The following SRRM4 variants were observed in gnomAD, a reference collection of about 807,000 sequenced individuals.
SRRM4 encodes serine/arginine repetitive matrix 4.
In SRRM4, 33 loss-of-function variants were observed where a neutral mutation model predicts 68.9. That is an observed-to-expected ratio of 0.48 (90% confidence interval 0.36 to 0.64). The LOEUF (loss-of-function observed/expected upper bound fraction) is 0.64, where lower values mean the gene tolerates loss of function less well. Ranked by LOEUF, SRRM4 falls within the 30% of genes least tolerant of loss-of-function variation. The pLI is 0.00. For missense variants in SRRM4, 817 were observed against 827.1 expected, an observed-to-expected ratio of 0.99 and a Z score of 0.15; for synonymous variants, 318 against 318.8, an observed-to-expected ratio of 1.00 and a Z score of 0.03.
At chr12:119,078,172 T>C (rs1953927562) in intron 1 of SRRM4, among the ~76,000 whole-genome samples, 1 of 152,194 alleles carries the variant, frequency 6.6e-6, no homozygotes. Flanking sequence ...TTGGGAAAAC[T>C]ATAGCATATA....
rs1199950822 is a variant in SRRM4, at chr12:119,009,361, AGAGGTTC to A, written c.131+27349_131+27355del. 1.7e-3 allele frequency among the ~76,000 whole-genome samples: 265 copies of A among 152,316 alleles called. 2 individuals are homozygous for A. The highest frequency in any genetic ancestry group is 6.2e-3 in the African/African-American group (257 of 41,574). On this transcript the variant is annotated intron_variant, in intron 1 of 12. Transcript: ENST00000267260. ...CACAAGCCGATGGGGAAGAGATGGT[AGAGGTTC>A]ACCTCTGCTCCCTGTCTCAGAGGGC...
intron 1 of SRRM4, among the ~76,000 whole-genome samples, chr12:119,087,175 A>G (rs1592893205): frequency 6.6e-6 from 1 of 152,310 alleles, no homozygotes; most frequent in Non-Finnish European, 1.5e-5. Context: ...AGGATTGATC[A>G]TTGTACCAGC....
At chr12:119,117,071 C>CCATCA in intron 4 of SRRM4, 63 bp downstream of exon 4, 1 of 1,326,390 alleles carries the variant, frequency 7.5e-7, no homozygotes, top group Non-Finnish European at 1.1e-6. Context: ...CAGTTGATGG[C>CCATCA]ACTAAAAGGT....
At chr12:119,108,503 A>G (rs61938019) in intron 2 of SRRM4, among the ~76,000 whole-genome samples, 8,924 of 152,246 alleles carry the variant, frequency 0.059, 331 homozygotes, top group Middle Eastern at 0.12. Flanking sequence ...GTGCTCCTGT[A>G]TTGGGTGCAT....
intron 8 of SRRM4, among the ~76,000 whole-genome samples, chr12:119,139,952 A>G (rs934625347): frequency 2.0e-5 from 3 of 152,196 alleles, no homozygotes; most frequent in African/African-American, 7.2e-5. Flanking sequence ...ATGTTTCCAT[A>G]CAGGCATACA....
chr12:119,125,497 G>T lies in SRRM4; in HGVS notation c.614+18G>T. 1 of 1,607,782 alleles carries T rather than the reference G, an allele frequency of 6.2e-7. No homozygotes were observed. Among genetic ancestry groups the T allele is most frequent in the South Asian group, 1.1e-5 (1 of 90,726 alleles). ...GAGAGCAGGTAACCCCTTGCCCCAG[G>T]ATCCTCTTCTGTCAGCCACAGCCGA... is the stretch of plus-strand genomic sequence containing the variant. On this transcript the variant is annotated intron_variant, in intron 7 of 12. Transcript: ENST00000267260.
Position 118,981,698 on chromosome 12 carries a change from C to A in SRRM4, c.-185C>A, listed in dbSNP as rs1953247940. On this transcript the variant is annotated 5_prime_UTR_variant, in exon 1 of 13. Transcript: ENST00000267260. ...CGAAGAAAGCCCAGCGGACGAGCCTCCTTTCTCTGCTGCCTGCCCGGGCTG... is the reference window on the plus strand; with the variant it reads ...CGAAGAAAGCCCAGCGGACGAGCCTACTTTCTCTGCTGCCTGCCCGGGCTG... 1.6e-6 allele frequency: 1 copy of A among 639,598 alleles called. No homozygotes were observed. Among genetic ancestry groups the A allele is most frequent in the Non-Finnish European group, 2.6e-6 (1 of 382,086 alleles). 39.6% of individuals were successfully genotyped at this position (639,598 alleles called of 1,614,324 possible). A position where few individuals can be genotyped will look rare whatever the true frequency, so the allele number is the denominator to read the frequency against.
At chr12:119,089,650 G>C (rs1170035770) in intron 1 of SRRM4, among the ~76,000 whole-genome samples, 1 of 152,204 alleles carries the variant, frequency 6.6e-6, no homozygotes, top group African/African-American at 2.4e-5. Context: ...GATGATTGGT[G>C]CTGGAGCTGC....
Position 119,162,430 on chromosome 12 carries a change from A to G in SRRM4, c.*5632A>G, listed in dbSNP as rs1192482924. 1 of 152,204 alleles carries G rather than the reference A, an allele frequency of 6.6e-6. No homozygotes were observed. The highest frequency in any genetic ancestry group is 1.5e-5 in the Non-Finnish European group (1 of 68,052). The allele number at this position is 152,204 out of a possible 1,614,324, so 9.4% of individuals were successfully genotyped here. A position where few individuals can be genotyped will look rare whatever the true frequency, so the allele number is the denominator to read the frequency against. ...ACCTTGCCCTGCTCTGGATTTAACC[A>G]TTGTTCATTGTCAGGCTATATTTTT... On this transcript the variant is annotated 3_prime_UTR_variant, in exon 13 of 13. Coordinates refer to ENST00000267260, the MANE Select transcript of SRRM4 (RefSeq NM_194286.4).
intron 1 of SRRM4, among the ~76,000 whole-genome samples, chr12:119,018,657 CA>C (rs1953496442): frequency 1.3e-5 from 2 of 152,046 alleles, no homozygotes; most frequent in Admixed American, 1.3e-4. Flanking sequence ...AGCATTTGTT[CA>C]GATACCTGAA....
chr12:119,057,177 G>GT lies in SRRM4; in HGVS notation c.132-45052dup, dbSNP rs1203363068. On this transcript the variant is annotated intron_variant, in intron 1 of 12. Transcript: ENST00000267260. ...ATTAGGTGAAGAAAGAAATAGTTGG[G>GT]TTTTTTTCTTCAATTTTTATTTTAA... Among the ~76,000 whole-genome samples the GT allele has an allele frequency of 2.0e-5, 3 of 152,230 alleles. No individual in the cohort carries two copies. In the East Asian group the frequency reaches 5.8e-4, roughly 29 times the overall value.
At chr12:118,983,719 C>A in intron 1 of SRRM4, among the ~76,000 whole-genome samples, 1 of 152,128 alleles carries the variant, frequency 6.6e-6, no homozygotes, top group Non-Finnish European at 1.5e-5. Context: ...TTCAGGAAAG[C>A]ACACCTATTA....
rs57550768 is a variant in SRRM4, at chr12:119,158,967, TTGTGTGTGTGTGTGTGTGTGTGTGTG to T, written c.*2195_*2220del. 7.3e-6 allele frequency: 1 copy of T among 137,124 alleles called. No individual in the cohort carries two copies. Among genetic ancestry groups the T allele is most frequent in the Non-Finnish European group, 1.6e-5 (1 of 63,420 alleles). 8.5% of individuals were successfully genotyped at this position (137,124 alleles called of 1,614,324 possible). On this transcript the variant is annotated 3_prime_UTR_variant, in exon 13 of 13. Transcript: ENST00000267260. ...TGAATTATTTATTTATACAGAGGTT[TTGTGTGTGTGTGTGTGTGTGTGTGTG>T]TGTGTGTGTGTGTGTGTGTGTGTGT...
chr12:119,075,722 ATGG>A (rs1380595189), intron 1 of SRRM4, among the ~76,000 whole-genome samples: 2 of 150,174 alleles, frequency 1.3e-5, no homozygotes, highest in African/African-American at 4.9e-5. Flanking sequence ...GATGTTGATG[ATGG>A]TGGTGATGGT....
At position 119,161,672 on chromosome 12, in the gene SRRM4, G is replaced by A. The variant is rs533992386; in HGVS notation, c.*4874G>A. On this transcript the variant is annotated 3_prime_UTR_variant, in exon 13 of 13. Coordinates refer to ENST00000267260, the MANE Select transcript of SRRM4 (RefSeq NM_194286.4). Reference sequence around the variant, plus strand: ...CCATCTCCCAGCTCCAGGTGCTGCTGTCTGCAGCAAGGGCATTACTGCCCA... The same window carrying A: ...CCATCTCCCAGCTCCAGGTGCTGCTATCTGCAGCAAGGGCATTACTGCCCA... 1 of 152,748 alleles carries A rather than the reference G, an allele frequency of 6.5e-6. No homozygotes were observed. The highest frequency in any genetic ancestry group is 2.1e-4 in the South Asian group (1 of 4,818). The allele number at this position is 152,748 out of a possible 1,614,324, so 9.5% of individuals were successfully genotyped here.
At chr12:118,983,144 T>C (rs1444051511) in intron 1 of SRRM4, among the ~76,000 whole-genome samples, 1 of 152,210 alleles carries the variant, frequency 6.6e-6, no homozygotes, top group Non-Finnish European at 1.5e-5. Context: ...CACAACTGAT[T>C]CTGAACTTTC....
At chr12:119,042,682 G>A (rs901959197) in intron 1 of SRRM4, among the ~76,000 whole-genome samples, 5 of 152,100 alleles carry the variant, frequency 3.3e-5, no homozygotes, top group Non-Finnish European at 7.4e-5. Flanking sequence ...AGAAGGGCAG[G>A]AAGAGGGAGG....
chr12:119,086,266 A>G (rs1468077558), intron 1 of SRRM4, among the ~76,000 whole-genome samples: 1 of 152,182 alleles, frequency 6.6e-6, no homozygotes, highest in Non-Finnish European at 1.5e-5. Flanking sequence ...GGGCGCAAGT[A>G]AAAATATGGC....
intron 3 of SRRM4, among the ~76,000 whole-genome samples, chr12:119,114,660 C>CTTTT (rs68020424): frequency 8.4e-4 from 85 of 101,364 alleles, no homozygotes; most frequent in East Asian, 2.2e-3. Flanking sequence ...GAAGCATAGT[C>CTTTT]TTTTTTTTTT....
Sources: allele counts gnomAD v4.1 joint callset (sites outside exome capture counted in the v4.1 genomes callset), GRCh38; gene constraint gnomAD v4.1.1; transcripts MANE v1.5; gene names NCBI Gene and HGNC (gene_info 2026-07-23, HGNC 2026-07-21).